Variants in PRMT8 observed in about 807,000 individuals in gnomAD.
PRMT8 encodes protein arginine methyltransferase 8, also known as protein arginine N-methyltransferase 8.
A neutral mutation model predicts 47.1 loss-of-function variants in PRMT8; 7 were observed. The ratio of observed to expected loss-of-function variants is 0.15; its 90% confidence interval spans 0.08 to 0.28. The LOEUF (loss-of-function observed/expected upper bound fraction) is 0.28. Among genes scored for constraint, PRMT8 ranks in the 10% least tolerant of loss-of-function variants. The probability of loss-of-function intolerance (pLI) is 1.00; values close to 1 mark genes in which losing one functional copy is unlikely to be tolerated. For synonymous variants in PRMT8, 188 were observed against 186.5 expected, an observed-to-expected ratio of 1.01 and a Z score of -0.07; for missense variants, 237 against 505.4, an observed-to-expected ratio of 0.47 and a Z score of 5.09.
chr12:3,490,324 A>G (rs1457288333), upstream of PRMT8, among the ~76,000 whole-genome samples: 1 of 152,126 alleles, frequency 6.6e-6, no homozygotes, highest in Non-Finnish European at 1.5e-5. Context: ...TAAAACAGAG[A>G]AAAAGAAGCT....
At chr12:3,585,191 G>A (rs995141228) in intron 8 of PRMT8, among the ~76,000 whole-genome samples, 7 of 152,050 alleles carry the variant, frequency 4.6e-5, no homozygotes, top group African/African-American at 1.5e-4. Flanking sequence ...CCTTAAGAAT[G>A]TGTTCCTATT....
chr12:3,439,369 A>G (rs1415276741), intron 1 of PRMT8, among the ~76,000 whole-genome samples: 3 of 152,200 alleles, frequency 2.0e-5, no homozygotes, highest in African/African-American at 4.8e-5. Flanking sequence ...GGTGGTCTCA[A>G]CAGAATGGGC....
At chr12:3,464,286 A>C (rs2137090151) in intron 1 of PRMT8, among the ~76,000 whole-genome samples, 1 of 151,730 alleles carries the variant, frequency 6.6e-6, no homozygotes, top group African/African-American at 2.4e-5. Context: ...AAAAAAACAA[A>C]CTGCACACAA....
chr12:3,516,288 G>T (rs1865790139), intron 1 of PRMT8, among the ~76,000 whole-genome samples: 1 of 152,176 alleles, frequency 6.6e-6, no homozygotes, highest in Non-Finnish European at 1.5e-5. Flanking sequence ...TTCTTTGCCT[G>T]GTCCCCTCTT....
Position 3,580,274 on chromosome 12 carries a change from G to C in PRMT8, c.829-2784G>C, listed in dbSNP as rs1292713737. 2.0e-5 allele frequency among the ~76,000 whole-genome samples: 3 copies of C among 152,020 alleles called. No homozygotes were observed. The highest frequency in any genetic ancestry group is 4.4e-5 in the Non-Finnish European group (3 of 68,022). The stretch of plus-strand genomic sequence containing the variant: ...AAGAGTTGATAGCTGACATTTTGTT[G>C]ATGGACATCTGACAGCAAGATCCTT... On this transcript the variant is annotated intron_variant, in intron 7 of 9. Coordinates refer to ENST00000382622, the MANE Select transcript of PRMT8 (RefSeq NM_019854.5). The surrounding 1 kb of genome is among the most constrained non-coding windows in gnomAD (Gnocchi z 4.6).
At chr12:3,413,915 T>C (rs953495272) in intron 1 of PRMT8, among the ~76,000 whole-genome samples, 2 of 152,216 alleles carry the variant, frequency 1.3e-5, no homozygotes, top group South Asian at 2.1e-4. Context: ...CACCATTTTA[T>C]ATAAGGGACT....
chr12:3,441,199 C>T (rs1345943625), intron 1 of PRMT8, among the ~76,000 whole-genome samples: 1 of 152,126 alleles, frequency 6.6e-6, no homozygotes, highest in African/African-American at 2.4e-5. Context: ...CGAGGGCAGA[C>T]ATTTTTATAT....
intron 1 of PRMT8, among the ~76,000 whole-genome samples, chr12:3,505,548 G>A (rs1865609834): frequency 6.6e-6 from 1 of 152,220 alleles, no homozygotes; most frequent in Non-Finnish European, 1.5e-5. Flanking sequence ...TGGGTTGGGT[G>A]CTGTGTCAGT....
In PRMT8 at chr12:3,409,541, C is replaced by T. The variant is rs1167657187; in HGVS notation, c.48+28099C>T. Among the ~76,000 whole-genome samples the T allele has an allele frequency of 2.6e-5, 4 of 151,406 alleles. No homozygotes were observed. The highest frequency in any genetic ancestry group is 1.9e-4 in the East Asian group (1 of 5,166). ...GCAGCACAGCAATGACTCTATTCAT[C>T]GAGGAGGTGGGGTGCTTCAGCAGCT... On this transcript the variant is annotated intron_variant, in intron 1 of 9. Coordinates refer to the PRMT8 transcript ENST00000452611. The surrounding 1 kb of genome is among the most constrained non-coding windows in gnomAD (Gnocchi z 4.4).
intron 1 of PRMT8, among the ~76,000 whole-genome samples, chr12:3,442,442 C>T (rs1864813132): frequency 6.6e-6 from 1 of 152,150 alleles, no homozygotes. Context: ...GGCAGCTCTG[C>T]CTGGGCTCTT....
chr12:3,534,755 C>A (rs868335288), intron 1 of PRMT8, among the ~76,000 whole-genome samples: 31 of 152,338 alleles, frequency 2.0e-4, no homozygotes, highest in African/African-American at 6.7e-4. Flanking sequence ...TTTCTGAGCA[C>A]AGGGCCTGGC....
At chr12:3,491,738 G>A in intron 1 of PRMT8, 38 bp downstream of exon 1, 1 of 1,578,876 alleles carries the variant, frequency 6.3e-7, no homozygotes. Flanking sequence ...CGGAGACCCC[G>A]CCGCCCACCC....
At chr12:3,399,390 G>C (rs1864295547) in intron 1 of PRMT8, among the ~76,000 whole-genome samples, 1 of 152,186 alleles carries the variant, frequency 6.6e-6, no homozygotes, top group South Asian at 2.1e-4. Flanking sequence ...GAAGGCTGCA[G>C]TTTGGGGACT....
intron 1 of PRMT8, among the ~76,000 whole-genome samples, chr12:3,515,676 GAGTAGA>G (rs1215955406): frequency 6.6e-6 from 1 of 152,254 alleles, no homozygotes; most frequent in Non-Finnish European, 1.5e-5. Context: ...CATGCTCTGT[GAGTAGA>G]AGCACATTGC....
At chr12:3,547,435 A>G (rs1306726913) in intron 2 of PRMT8, among the ~76,000 whole-genome samples, 1 of 152,226 alleles carries the variant, frequency 6.6e-6, no homozygotes, top group Non-Finnish European at 1.5e-5. Flanking sequence ...ACACCAACCC[A>G]TTGCAAAATG....
intron 6 of PRMT8, among the ~76,000 whole-genome samples, chr12:3,574,454 G>A (rs552437600): frequency 5.3e-5 from 8 of 152,348 alleles, no homozygotes; most frequent in South Asian, 2.1e-4. Context: ...CAAGTGATTC[G>A]AGAACACAGA....
chr12:3,439,390 G>A (rs182603397), intron 1 of PRMT8, among the ~76,000 whole-genome samples: 1 of 152,242 alleles, frequency 6.6e-6, no homozygotes, highest in African/African-American at 2.4e-5. Context: ...TGTCAGTCAT[G>A]TTACACCTTG....
intron 1 of PRMT8, among the ~76,000 whole-genome samples, chr12:3,472,493 C>T (rs1281896622): frequency 1.3e-5 from 2 of 152,190 alleles, no homozygotes; most frequent in Non-Finnish European, 2.9e-5. Flanking sequence ...CCGGCTCTGC[C>T]GCTTGCAAGC....
rs530442758 is a variant in PRMT8 at position 3,467,934 on chromosome 12, G to T, written c.49-72672G>T. On this transcript the variant is annotated intron_variant, in intron 1 of 9. Coordinates refer to the PRMT8 transcript ENST00000452611. Reference sequence around the variant, plus strand: ...CAGAGACAAGCTGTGTGTCTCAGTTGTGTCCACCCTAACTGAGGCGGGGGC... The same window carrying T: ...CAGAGACAAGCTGTGTGTCTCAGTTTTGTCCACCCTAACTGAGGCGGGGGC... Among the ~76,000 whole-genome samples, 93 of 152,338 alleles carry T rather than the reference G, an allele frequency of 6.1e-4. 1 individual carries two copies. The highest frequency in any genetic ancestry group is 1.2e-3 in the Non-Finnish European group (82 of 68,028).
Sources: allele counts gnomAD v4.1 joint callset (sites outside exome capture counted in the v4.1 genomes callset), GRCh38; gene constraint gnomAD v4.1.1; non-coding constraint Gnocchi (gnomAD v3.1); transcripts MANE v1.5; gene names NCBI Gene and HGNC (gene_info 2026-07-23, HGNC 2026-07-21).